EDIL3: variants seen among roughly 807,000 people sequenced by gnomAD.
The protein encoded by EDIL3 is EGF like and discoidin domains 3, also known as EGF-like repeat and discoidin I-like domain-containing protein 3.
EDIL3 carries 37 observed loss-of-function variants against 67.4 expected under a neutral mutation model. That is an observed-to-expected ratio of 0.55 (90% confidence interval 0.42 to 0.72). EDIL3 has a LOEUF of 0.72. Among genes scored for constraint, EDIL3 ranks in the 30% least tolerant of loss-of-function variants. The probability of loss-of-function intolerance (pLI) is 0.00; values close to 1 mark genes in which losing one functional copy is unlikely to be tolerated. For synonymous variants in EDIL3, 195 were observed against 196.3 expected (o/e 0.99, Z 0.05); for missense variants, 527 against 586.3 (o/e 0.90, Z 1.04).
chr5:84,290,726 T>C lies in EDIL3; in HGVS notation c.68-36514A>G, dbSNP rs577216960. 4.8e-4 allele frequency among the ~76,000 whole-genome samples: 73 copies of C among 152,326 alleles called. No individual in the cohort carries two copies. In the Middle Eastern group the frequency reaches 0.014, roughly 28 times the overall value. Reference sequence around the variant, plus strand: ...ACCAGACTTTGTTCAACCTAATGTATAAACATCTGGGTTTTGCCACTTCTT... The same window carrying C: ...ACCAGACTTTGTTCAACCTAATGTACAAACATCTGGGTTTTGCCACTTCTT... On this transcript the variant is annotated intron_variant, in intron 1 of 10. Coordinates refer to ENST00000296591, the MANE Select transcript of EDIL3 (RefSeq NM_005711.5).
intron 9 of EDIL3, among the ~76,000 whole-genome samples, chr5:84,007,513 A>G (rs1416581221): frequency 6.6e-6 from 1 of 152,168 alleles, no homozygotes; most frequent in Non-Finnish European, 1.5e-5. Flanking sequence ...AAACAGGTAT[A>G]TAAAAAGGTT....
At chr5:84,171,388 T>C (rs1379250730) in intron 4 of EDIL3, among the ~76,000 whole-genome samples, 2 of 152,190 alleles carry the variant, frequency 1.3e-5, no homozygotes, top group African/African-American at 4.8e-5. Flanking sequence ...GCCATGACAG[T>C]GGTCTTTGTT....
rs916734909 is a variant in EDIL3 at position 84,106,927 on chromosome 5, A to T, written c.470-97T>A. 4.6e-6 allele frequency: 6 copies of T among 1,303,154 alleles called. No individual in the cohort carries two copies. The African/African-American group carries it at 8.9e-5, about 19-fold the overall frequency. The allele number at this position is 1,303,154 out of a possible 1,614,324, so 80.7% of individuals were successfully genotyped here. A position where few individuals can be genotyped will look rare whatever the true frequency, so the allele number is the denominator to read the frequency against. On this transcript the variant is annotated intron_variant, in intron 5 of 10. Transcript: ENST00000296591. The stretch of plus-strand genomic sequence containing the variant: ...TGATAGGATTTTTTTAAATGATTTG[A>T]ATTTGCACCACCATGCTATTTACTC...
At chr5:84,193,350 T>G (rs1245392890) in intron 3 of EDIL3, among the ~76,000 whole-genome samples, 1 of 151,954 alleles carries the variant, frequency 6.6e-6, no homozygotes, top group Admixed American at 6.6e-5. Flanking sequence ...AAGACTATTC[T>G]GTTTCTAGAT....
At chr5:84,320,631 C>G (rs1746617248) in intron 1 of EDIL3, among the ~76,000 whole-genome samples, 1 of 152,092 alleles carries the variant, frequency 6.6e-6, no homozygotes, top group Non-Finnish European at 1.5e-5. Flanking sequence ...CTATACTATA[C>G]CATGTTAGAG....
chr5:84,310,551 C>A (rs1307199840), intron 1 of EDIL3, among the ~76,000 whole-genome samples: 2 of 152,074 alleles, frequency 1.3e-5, no homozygotes, highest in Non-Finnish European at 2.9e-5. Context: ...AAATAAATTT[C>A]TCATCTAAGC....
intron 5 of EDIL3, among the ~76,000 whole-genome samples, chr5:84,132,589 TA>T (rs1748012358): frequency 8.6e-6 from 1 of 116,646 alleles, no homozygotes; most frequent in African/African-American, 3.2e-5. Context: ...ATATTTTATA[TA>T]TTTTTAATAT....
At position 84,238,469 on chromosome 5, in the gene EDIL3, A is replaced by G. The variant is rs544717552; in HGVS notation, c.197-8585T>C. Among the ~76,000 whole-genome samples, 118 of 152,116 alleles carry G rather than the reference A, an allele frequency of 7.8e-4. 2 individuals carry two copies. The South Asian group carries it at 0.024, about 31-fold the overall frequency. On this transcript the variant is annotated intron_variant, in intron 2 of 10. Coordinates refer to ENST00000296591, the MANE Select transcript of EDIL3 (RefSeq NM_005711.5). ...TATTTCCGTGAAATCTGTACGTGTC[A>G]TTTTGGTCAGGGGGAGTTATCTTTT...
At chr5:84,080,820 A>C (rs1202359712) in intron 6 of EDIL3, among the ~76,000 whole-genome samples, 1 of 152,230 alleles carries the variant, frequency 6.6e-6, no homozygotes, top group Non-Finnish European at 1.5e-5. Flanking sequence ...TAAGAAACAT[A>C]GTATGGAATT....
intron 3 of EDIL3, among the ~76,000 whole-genome samples, chr5:84,187,630 C>G (rs1275203810): frequency 6.6e-6 from 1 of 151,984 alleles, no homozygotes; most frequent in Non-Finnish European, 1.5e-5. Flanking sequence ...CAAATTTCAC[C>G]CCAAATTCTG....
intron 5 of EDIL3, among the ~76,000 whole-genome samples, chr5:84,132,690 A>C (rs1235454369): frequency 2.1e-5 from 3 of 145,214 alleles, no homozygotes; most frequent in South Asian, 2.1e-4. Flanking sequence ...AAAACAGTTA[A>C]AGCTGCTCAA....
At chr5:84,196,455 C>T (rs937612578) in intron 3 of EDIL3, among the ~76,000 whole-genome samples, 1 of 151,972 alleles carries the variant, frequency 6.6e-6, no homozygotes, top group African/African-American at 2.4e-5. Flanking sequence ...ATCTTGTTTT[C>T]TCAATGGCTT....
chr5:84,319,873 C>T (rs1746598631), intron 1 of EDIL3, among the ~76,000 whole-genome samples: 1 of 151,974 alleles, frequency 6.6e-6, no homozygotes, highest in African/African-American at 2.4e-5. Context: ...AAACTGGAAA[C>T]CATCATTCTC....
At chr5:84,134,787 C>T (rs949563871) in intron 5 of EDIL3, among the ~76,000 whole-genome samples, 1 of 152,198 alleles carries the variant, frequency 6.6e-6, no homozygotes. Context: ...CTCTAGGTGA[C>T]TCTTTCTGAT....
At chr5:84,113,838 A>G (rs1412201721) in intron 5 of EDIL3, among the ~76,000 whole-genome samples, 2 of 152,172 alleles carry the variant, frequency 1.3e-5, no homozygotes, top group East Asian at 3.9e-4. Flanking sequence ...TCCTTTAAAC[A>G]TCTCCAGTCC....
Position 84,211,160 on chromosome 5 carries a change from G to A in EDIL3, c.226+18695C>T, listed in dbSNP as rs530223507. ...AGTCTCATGTTAAAATTGATTCCCAGTGTTGAGGTGAGGCCTGGTGGAAGG... is the reference window on the plus strand; with the variant it reads ...AGTCTCATGTTAAAATTGATTCCCAATGTTGAGGTGAGGCCTGGTGGAAGG... On this transcript the variant is annotated intron_variant, in intron 3 of 10. Transcript: ENST00000296591. Among the ~76,000 whole-genome samples, 6 of 152,316 alleles carry A rather than the reference G, an allele frequency of 3.9e-5. No homozygotes were observed. The South Asian group carries it at 1.2e-3, about 32-fold the overall frequency.
At chr5:84,241,780 T>C (rs1744797842) in intron 2 of EDIL3, among the ~76,000 whole-genome samples, 2 of 151,750 alleles carry the variant, frequency 1.3e-5, no homozygotes, top group African/African-American at 2.4e-5. Flanking sequence ...GAAAGAATAG[T>C]CAGAGGCCTA....
chr5:84,066,114 C>CAAAA (rs1177616777), intron 7 of EDIL3, among the ~76,000 whole-genome samples: 1 of 63,158 alleles, frequency 1.6e-5, no homozygotes, highest in Non-Finnish European at 3.7e-5. Context: ...GACTTTGTCT[C>CAAAA]AAAAAAAAAA....
At chr5:84,061,693 A>C (rs7728397) in intron 8 of EDIL3, among the ~76,000 whole-genome samples, 8,628 of 152,178 alleles carry the variant, frequency 0.057, 815 homozygotes, top group African/African-American at 0.2. Flanking sequence ...TATTCTAAGA[A>C]ATTACTTAAT....
Sources: gnomAD v4.1 joint callset for allele counts (sites outside exome capture counted in the v4.1 genomes callset) on GRCh38, gnomAD v4.1.1 for gene constraint, MANE v1.5 for transcripts, NCBI Gene and HGNC (gene_info 2026-07-23, HGNC 2026-07-21) for gene names.